The following RBM33 variants were observed in gnomAD, a reference collection of about 807,000 sequenced individuals.
RBM33 encodes RNA binding motif protein 33.
A neutral mutation model predicts 132.6 loss-of-function variants in RBM33; 28 were observed. The observed-to-expected ratio is 0.21, with a 90% CI of 0.16 to 0.29. The LOEUF is 0.29. Among genes scored for constraint, RBM33 ranks in the 10% least tolerant of loss-of-function variants. RBM33 has a pLI of 1.00. For missense variants in RBM33, 1,291 were observed against 1,518.5 expected (o/e 0.85, Z 2.49); for synonymous variants, 634 against 593.0 (o/e 1.07, Z -1.01).
chr7:155,660,794 A>G (rs896102592), intron 1 of RBM33, among the ~76,000 whole-genome samples: 2 of 152,044 alleles, frequency 1.3e-5, no homozygotes, highest in Non-Finnish European at 2.9e-5. Flanking sequence ...ACCTTTTGGA[A>G]GTTGTCAGCC....
At chr7:155,689,238 A>G (rs1312361511) in intron 5 of RBM33, among the ~76,000 whole-genome samples, 5 of 152,198 alleles carry the variant, frequency 3.3e-5, no homozygotes, top group Non-Finnish European at 7.3e-5. Flanking sequence ...CATTTCTTCT[A>G]GATTTTCTAG....
chr7:155,685,992 A>G (rs1407578436), intron 5 of RBM33, among the ~76,000 whole-genome samples: 2 of 152,228 alleles, frequency 1.3e-5, no homozygotes, highest in Admixed American at 1.3e-4. Flanking sequence ...GCACATTACA[A>G]AACAGAAGTA....
intron 2 of RBM33, among the ~76,000 whole-genome samples, chr7:155,671,867 T>A (rs1798949415): frequency 6.6e-6 from 1 of 152,188 alleles, no homozygotes; most frequent in Non-Finnish European, 1.5e-5. Flanking sequence ...GCCATTTTTA[T>A]CAACTAAAAA....
chr7:155,677,420 G>C (rs1319331764), intron 3 of RBM33, among the ~76,000 whole-genome samples: 1 of 152,116 alleles, frequency 6.6e-6, no homozygotes, highest in East Asian at 1.9e-4. Flanking sequence ...ATGTTGGCCA[G>C]GTTGGTCTTG....
At chr7:155,754,604 A>T (rs1171621511) in intron 14 of RBM33, among the ~76,000 whole-genome samples, 1 of 152,188 alleles carries the variant, frequency 6.6e-6, no homozygotes, top group African/African-American at 2.4e-5. Context: ...GGGGTATGAG[A>T]TCCCCTCAGA....
At chr7:155,763,730 C>CT in intron 14 of RBM33, 82 bp from the exon 15 acceptor site, 2 of 1,295,426 alleles carry the variant, frequency 1.5e-6, no homozygotes, top group Admixed American at 3.9e-5. Context: ...TGAACACTGG[C>CT]TGAGGTGGGC....
rs1801465352 is a variant in RBM33 at position 155,745,005 on chromosome 7, A to G, written c.2382A>G (p.Ile794Met). ...DEETRLYRLK[I>M]EEQKRLREEI... ...AAACAAGGTTATATCGCTTAAAGAT[A>G]GAAGAACAGAAACGCCTAAGAGAAG... is the stretch of plus-strand genomic sequence containing the variant. The change falls in exon 14 of 18, where the codon ATA (isoleucine) becomes ATG (methionine). Residue 794 changes from isoleucine (I) to methionine (M), a missense_variant. This residue lies in a region of RBM33 where 841 missense variants were observed against 912.0 expected (regional missense o/e 0.92). Transcript: ENST00000401878. The surrounding 1 kb of genome is among the most constrained non-coding windows in gnomAD (Gnocchi z 4.1). 6.2e-7 allele frequency: 1 copy of G among 1,601,904 alleles called. No homozygotes were observed. Among genetic ancestry groups the G allele is most frequent in the Non-Finnish European group, 8.5e-7 (1 of 1,176,496 alleles).
intron 11 of RBM33, chr7:155,738,850 C>T (rs988965197): frequency 2.4e-5 from 4 of 163,760 alleles, no homozygotes; most frequent in African/African-American, 4.8e-5. Flanking sequence ...TGCCCTCTGC[C>T]GACCGGCTTC....
Position 155,745,554 on chromosome 7 carries a change from C to T in RBM33, c.2931C>T (p.Asp977=), listed in dbSNP as rs775443623. ...ACAGGACAAACAGTGGTGGTGGAGA[C>T]GGGCCCCACATCAGCTCCAAGGTCA... ...VTHRTNSGGG[D]GPHISSKVRV... The change falls in exon 14 of 18, where the codon GAC becomes GAT. Residue 977 remains aspartate, a synonymous_variant. Transcript: ENST00000401878. The surrounding 1 kb of genome is among the most constrained non-coding windows in gnomAD (Gnocchi z 4.1). The T allele has an allele frequency of 8.1e-6, 13 of 1,608,988 alleles. No homozygotes were observed. The highest frequency in any genetic ancestry group is 4.5e-5 in the East Asian group (2 of 44,750).
intron 6 of RBM33, among the ~76,000 whole-genome samples, chr7:155,706,033 G>T (rs1800102207): frequency 6.6e-6 from 1 of 152,194 alleles, no homozygotes; most frequent in African/African-American, 2.4e-5. Flanking sequence ...ACTTCGGAAT[G>T]AGTTCATTAA....
At chr7:155,650,752 T>C (rs1034217087) in intron 1 of RBM33, among the ~76,000 whole-genome samples, 4 of 152,214 alleles carry the variant, frequency 2.6e-5, no homozygotes, top group African/African-American at 9.6e-5. Context: ...TTGATTTATT[T>C]AGTTTTATAA....
At chr7:155,679,163 C>T (rs540944593) in intron 4 of RBM33, among the ~76,000 whole-genome samples, 15 of 151,354 alleles carry the variant, frequency 9.9e-5, no homozygotes, top group South Asian at 2.1e-4. Context: ...CAGAGTGAAA[C>T]GCCGTCTTAA....
intron 16 of RBM33, among the ~76,000 whole-genome samples, chr7:155,773,251 T>C (rs1374124301): frequency 6.6e-5 from 10 of 152,212 alleles, no homozygotes; most frequent in Non-Finnish European, 1.3e-4. Flanking sequence ...TGCCAGGACC[T>C]GCCCAGGGAC....
At chr7:155,644,947 C>A in intron 1 of RBM33, 28 bp downstream of exon 1, 1 of 1,475,286 alleles carries the variant, frequency 6.8e-7, no homozygotes. Flanking sequence ...ACTCTGGGGG[C>A]CAGGACCGCG....
intron 6 of RBM33, among the ~76,000 whole-genome samples, chr7:155,702,358 C>CT (rs1429738247): frequency 6.6e-6 from 1 of 152,120 alleles, no homozygotes; most frequent in Admixed American, 6.5e-5. Flanking sequence ...TCTTTGTTCT[C>CT]TTTTTCTTTG....
At chr7:155,744,893 T>TA in intron 13 of RBM33, 68 bp from the exon 14 acceptor site, 1 of 1,407,160 alleles carries the variant, frequency 7.1e-7, no homozygotes, top group Non-Finnish European at 9.5e-7. Context: ...GTTCTTGTAA[T>TA]TTGTTGAAAT....
At chr7:155,755,573 A>G (rs937985899) in intron 14 of RBM33, among the ~76,000 whole-genome samples, 2 of 152,236 alleles carry the variant, frequency 1.3e-5, no homozygotes, top group Non-Finnish European at 2.9e-5. Context: ...TTGTCACTCT[A>G]GAATAATGCT....
intron 9 of RBM33, among the ~76,000 whole-genome samples, chr7:155,723,267 C>G (rs564171108): frequency 6.6e-6 from 1 of 152,336 alleles, no homozygotes; most frequent in East Asian, 1.9e-4. Context: ...CAGGAAAGAA[C>G]GTCTTGCTTT....
rs779776770 is a variant in RBM33 at position 155,738,388 on chromosome 7, A to G, written c.1722A>G (p.Thr574=). The G allele has an allele frequency of 6.2e-7, 1 of 1,613,168 alleles. No individual in the cohort carries two copies. ...GPGQPFLPTH[T]QPNLQGPLHP... ...GACAGCCGTTTCTGCCCACACACAC[A>G]CAGCCCAACCTGCAGGTAATGCATC... The change falls in exon 11 of 18, where the codon ACA becomes ACG. Residue 574 remains threonine (T), a synonymous_variant. Transcript: ENST00000401878.
Sources: allele counts gnomAD v4.1 joint callset (sites outside exome capture counted in the v4.1 genomes callset), GRCh38; gene constraint gnomAD v4.1.1; regional missense constraint gnomAD v4.1.1; non-coding constraint Gnocchi (gnomAD v3.1); transcripts MANE v1.5; gene names NCBI Gene and HGNC (gene_info 2026-07-23, HGNC 2026-07-21).